The following SGTB variants were observed in gnomAD, a reference collection of about 807,000 sequenced individuals.
SGTB encodes small glutamine-rich tetratricopeptide repeat-containing protein beta.
In SGTB, 19 loss-of-function variants were observed where a neutral mutation model predicts 43.9. That is an observed-to-expected ratio of 0.43 (90% confidence interval 0.30 to 0.63). The LOEUF (loss-of-function observed/expected upper bound fraction) is 0.63, where lower values mean the gene tolerates loss of function less well. Among genes scored for constraint, SGTB ranks in the 30% least tolerant of loss-of-function variants. SGTB has a pLI of 0.12. For synonymous variants in SGTB, 116 were observed against 117.3 expected (o/e 0.99, Z 0.07); for missense variants, 304 against 358.9 (o/e 0.85, Z 1.24).
At chr5:65,701,445 G>C (rs1482286273) in intron 5 of SGTB, among the ~76,000 whole-genome samples, 1 of 152,042 alleles carries the variant, frequency 6.6e-6, no homozygotes, top group African/African-American at 2.4e-5. Flanking sequence ...AGAGCTTTAA[G>C]TCTAAAAGCA....
At chr5:65,695,818 G>A (rs532596270) in intron 5 of SGTB, among the ~76,000 whole-genome samples, 72 of 152,332 alleles carry the variant, frequency 4.7e-4, no homozygotes, top group African/African-American at 1.6e-3. Flanking sequence ...CTAGGACTAT[G>A]CTGGGGACTT....
In SGTB at chr5:65,693,315, AAG is replaced by A. The variant is rs776631711; in HGVS notation, c.375-7845_375-7844del. Reference sequence around the variant, plus strand: ...GAAGGAAGGGATGAATCAAGAAGGAAAGAGAGAAAGAAAGAGGAGAAGGGAGG... The same window carrying A: ...GAAGGAAGGGATGAATCAAGAAGGAAAGAGAAAGAAAGAGGAGAAGGGAGG... On this transcript the variant is annotated intron_variant, in intron 5 of 10. Coordinates refer to ENST00000381007, the MANE Select transcript of SGTB (RefSeq NM_019072.3). Among the ~76,000 whole-genome samples the A allele has an allele frequency of 1.3e-4, 20 of 150,558 alleles. 1 individual carries two copies. In the South Asian group the frequency reaches 2.1e-3, roughly 16 times the overall value.
At chr5:65,675,132 A>C (rs544825836) in intron 8 of SGTB, among the ~76,000 whole-genome samples, 2 of 152,292 alleles carry the variant, frequency 1.3e-5, no homozygotes, top group South Asian at 2.1e-4. Flanking sequence ...TCCTAAACCC[A>C]CTAAATCAAA....
chr5:65,707,035 C>T (rs1259452153), intron 4 of SGTB, among the ~76,000 whole-genome samples: 2 of 150,000 alleles, frequency 1.3e-5, no homozygotes, highest in African/African-American at 2.5e-5. Context: ...CTGAGGTGGG[C>T]GGATCACATG....
chr5:65,680,308 CT>C (rs1367396238), intron 8 of SGTB, among the ~76,000 whole-genome samples, 185 bp downstream of exon 8: 4 of 152,196 alleles, frequency 2.6e-5, no homozygotes, highest in African/African-American at 9.7e-5. Flanking sequence ...CCTGCACATC[CT>C]GCACATTTAC....
At chr5:65,692,142 C>T (rs898679356) in intron 5 of SGTB, among the ~76,000 whole-genome samples, 21 of 151,372 alleles carry the variant, frequency 1.4e-4, no homozygotes, top group African/African-American at 4.6e-4. Context: ...GGGAGAAAGC[C>T]GAAAAAGGAA....
intron 5 of SGTB, among the ~76,000 whole-genome samples, chr5:65,702,144 C>T (rs138701814): frequency 2.0e-3 from 301 of 152,134 alleles, no homozygotes; most frequent in African/African-American, 7.0e-3. Flanking sequence ...CATAAGGTGG[C>T]AGAAGAGCTG....
chr5:65,699,459 T>C (rs1757772153), intron 5 of SGTB, among the ~76,000 whole-genome samples: 1 of 152,208 alleles, frequency 6.6e-6, no homozygotes, highest in Admixed American at 6.5e-5. Flanking sequence ...GGTGATAGTT[T>C]CACTAAAATC....
intron 5 of SGTB, among the ~76,000 whole-genome samples, chr5:65,686,115 A>G (rs1434208578): frequency 6.6e-6 from 1 of 151,764 alleles, no homozygotes; most frequent in Non-Finnish European, 1.5e-5. Context: ...CTCAGAGGAG[A>G]AACAGGAAAG....
intron 4 of SGTB, among the ~76,000 whole-genome samples, chr5:65,707,503 C>T (rs1373541475): frequency 6.7e-6 from 1 of 150,206 alleles, no homozygotes; most frequent in Admixed American, 6.7e-5. Flanking sequence ...GGCGTGATCT[C>T]GGCTCACTGC....
intron 5 of SGTB, among the ~76,000 whole-genome samples, chr5:65,698,312 G>A (rs1298712031): frequency 1.3e-5 from 2 of 152,218 alleles, no homozygotes; most frequent in Non-Finnish European, 2.9e-5. Context: ...TAGGGAGGAT[G>A]TATATTGATG....
rs373288118 is a variant in SGTB, at chr5:65,675,319, G to A, written c.682-3038C>T. 6.6e-5 allele frequency among the ~76,000 whole-genome samples: 10 copies of A among 152,254 alleles called. No homozygotes were observed. In the South Asian group the frequency reaches 1.2e-3, roughly 19 times the overall value. On this transcript the variant is annotated intron_variant, in intron 8 of 10. Coordinates refer to ENST00000381007, the MANE Select transcript of SGTB (RefSeq NM_019072.3). ...AGACAATGCTGAGGGGCAAGCTAGGGAACCACAATGGCCAAATACTCAAAC... is the reference window on the plus strand; with the variant it reads ...AGACAATGCTGAGGGGCAAGCTAGGAAACCACAATGGCCAAATACTCAAAC...
chr5:65,698,209 G>A (rs923702598), intron 5 of SGTB, among the ~76,000 whole-genome samples: 6 of 152,060 alleles, frequency 3.9e-5, no homozygotes, highest in African/African-American at 1.4e-4. Context: ...CTCCATGAAA[G>A]TACAGTTAAG....
chr5:65,704,924 A>C (rs751121778), intron 4 of SGTB, among the ~76,000 whole-genome samples: 1 of 152,122 alleles, frequency 6.6e-6, no homozygotes, highest in Non-Finnish European at 1.5e-5. Flanking sequence ...CCAGAGTTAG[A>C]CTCTTTTTAA....
At chr5:65,677,198 T>C (rs529781891) in intron 8 of SGTB, among the ~76,000 whole-genome samples, 98 of 152,120 alleles carry the variant, frequency 6.4e-4, no homozygotes, top group African/African-American at 2.3e-3. Flanking sequence ...CCTATGCGCA[T>C]AAACTAGAAA....
intron 5 of SGTB, among the ~76,000 whole-genome samples, chr5:65,701,630 A>AT (rs35304663): frequency 0.056 from 7,066 of 126,504 alleles, 285 homozygotes; most frequent in Admixed American, 0.11. Context: ...TTTAAATTAA[A>AT]TTTTTTTTTT....
intron 8 of SGTB, among the ~76,000 whole-genome samples, chr5:65,677,670 T>C (rs1757309696): frequency 6.6e-6 from 1 of 152,164 alleles, no homozygotes; most frequent in East Asian, 1.9e-4. Context: ...ATCCCCAAGA[T>C]GCAAGGCTGT....
rs1208187332 is a variant in SGTB at position 65,667,423 on chromosome 5, T to G, written c.*2823A>C. The G allele has an allele frequency of 6.6e-6, 1 of 152,238 alleles. No homozygotes were observed. The highest frequency in any genetic ancestry group is 2.4e-5 in the African/African-American group (1 of 41,466). 9.4% of individuals were successfully genotyped at this position (152,238 alleles called of 1,614,324 possible). On this transcript the variant is annotated 3_prime_UTR_variant, in exon 11 of 11. Transcript: ENST00000381007. ...AGTGACTAATTTTTAATTAAGGATC[T>G]ATTTTGCTTTTTATATCACAGTAAT...
chr5:65,683,932 C>T lies in SGTB; in HGVS notation c.479+1436G>A, dbSNP rs149434550. ...CTGCACTGCAGCCTGGGTGACAGAG[C>T]GAGACTCTGTCTCAAAAAAAAAAAA... is the stretch of plus-strand genomic sequence containing the variant. On this transcript the variant is annotated intron_variant, in intron 6 of 10. Transcript: ENST00000381007. Among the ~76,000 whole-genome samples the T allele has an allele frequency of 8.7e-3, 1,275 of 145,920 alleles. 22 individuals carry two copies. The highest frequency in any genetic ancestry group is 0.031 in the African/African-American group (1,206 of 39,444).
Sources: allele counts gnomAD v4.1 joint callset (sites outside exome capture counted in the v4.1 genomes callset), GRCh38; gene constraint gnomAD v4.1.1; transcripts MANE v1.5; gene names NCBI Gene and HGNC (gene_info 2026-07-23, HGNC 2026-07-21).